DNAAF1: variants seen among roughly 807,000 people sequenced by gnomAD.
DNAAF1 encodes dynein axonemal assembly factor 1.
Under a neutral mutation model 71.1 loss-of-function variants are expected in DNAAF1, and 65 were observed. That is an observed-to-expected ratio of 0.91 (90% CI 0.75 to 1.12). The LOEUF (loss-of-function observed/expected upper bound fraction) is 1.12. Among genes scored for constraint, DNAAF1 ranks in the 50% most tolerant of loss-of-function variants. The pLI, the probability that DNAAF1 is intolerant of heterozygous loss-of-function variation, is 0.00. For synonymous variants in DNAAF1, 414 were observed against 354.6 expected (o/e 1.17, Z -1.88); for missense variants, 1,178 against 899.8 (o/e 1.31, Z -3.96).
chr16:84,172,876 C>T (rs1166923669), intron 9 of DNAAF1: 1 of 1,015,324 alleles, frequency 9.8e-7, no homozygotes, highest in African/African-American at 1.7e-5. Context: ...TGTCCCATCC[C>T]CTTGAGTGAA....
intron 3 of DNAAF1, among the ~76,000 whole-genome samples, chr16:84,153,374 A>C (rs1482361156): frequency 2.6e-5 from 4 of 152,240 alleles, no homozygotes; most frequent in Non-Finnish European, 2.9e-5. Flanking sequence ...CACATCCAGC[A>C]CAGGAACCCA....
intron 6 of DNAAF1, among the ~76,000 whole-genome samples, chr16:84,163,890 T>G (rs1345891663): frequency 1.3e-5 from 2 of 151,998 alleles, no homozygotes; most frequent in Non-Finnish European, 2.9e-5. Flanking sequence ...GACAGCGTTT[T>G]GCTCTGTCAC....
chr16:84,173,829 C>G (rs957936101), intron 9 of DNAAF1: 5 of 152,734 alleles, frequency 3.3e-5, no homozygotes, highest in African/African-American at 1.2e-4. Flanking sequence ...TGCACTCCAG[C>G]CTGGGCAACA....
chr16:84,154,443 G>T lies in DNAAF1; in HGVS notation c.353-134G>T, dbSNP rs962026607. On this transcript the variant is annotated intron_variant, in intron 3 of 11. Coordinates refer to ENST00000378553, the MANE Select transcript of DNAAF1 (RefSeq NM_178452.6). ...CACCTCCTAATACCATCACATTAGG[G>T]GTTAGGATTTCAATGTATGAATTTT... 246 of 788,320 alleles carry T rather than the reference G, an allele frequency of 3.1e-4. 1 individual carries two copies. The highest frequency in any genetic ancestry group is 8.8e-4 in the South Asian group (60 of 68,424). 48.8% of individuals were successfully genotyped at this position (788,320 alleles called of 1,614,324 possible). A position where few individuals can be genotyped will look rare whatever the true frequency, so the allele number is the denominator to read the frequency against.
At chr16:84,156,233 G>C (rs2087421232) in intron 5 of DNAAF1, among the ~76,000 whole-genome samples, 1 of 152,202 alleles carries the variant, frequency 6.6e-6, no homozygotes, top group African/African-American at 2.4e-5. Context: ...AAAGTGCTGG[G>C]ATTACAGGCA....
chr16:84,157,929 C>T (rs111367931), intron 5 of DNAAF1, among the ~76,000 whole-genome samples: 4,953 of 152,114 alleles, frequency 0.033, 268 homozygotes, highest in African/African-American at 0.11. Context: ...TTCTCGTGGC[C>T]AGGCACAGTG....
intron 6 of DNAAF1, among the ~76,000 whole-genome samples, chr16:84,164,713 A>G (rs2087880329): frequency 6.6e-6 from 1 of 152,210 alleles, no homozygotes; most frequent in Admixed American, 6.5e-5. Context: ...TTAGAATAAA[A>G]CTGCTGTAAA....
At chr16:84,158,171 C>T (rs745893391) in intron 5 of DNAAF1, among the ~76,000 whole-genome samples, 1 of 152,112 alleles carries the variant, frequency 6.6e-6, no homozygotes, top group African/African-American at 2.4e-5. Context: ...CGCCACTACA[C>T]TCCAGCCTGG....
rs750277030 is a variant in DNAAF1, at chr16:84,145,667, TAAC to T, written c.124+106_124+108del. On this transcript the variant is annotated intron_variant, in intron 1 of 11. Coordinates refer to ENST00000378553, the MANE Select transcript of DNAAF1 (RefSeq NM_178452.6). ...ATACCCGATCTTCACAGCCAAATAA[TAAC>T]AATAATAATAATGGTAGCAAGCAAC... 9.7e-4 allele frequency: 1,320 copies of T among 1,355,132 alleles called. 4 individuals are homozygous for T. Among genetic ancestry groups the T allele is most frequent in the Non-Finnish European group, 1.2e-3 (1,239 of 1,007,436 alleles). The allele number at this position is 1,355,132 out of a possible 1,614,324, so 83.9% of individuals were successfully genotyped here. A position where few individuals can be genotyped will look rare whatever the true frequency, so the allele number is the denominator to read the frequency against.
chr16:84,171,947 G>A (rs927953557), intron 8 of DNAAF1, among the ~76,000 whole-genome samples: 7 of 149,776 alleles, frequency 4.7e-5, no homozygotes, highest in African/African-American at 1.2e-4. Context: ...GCACAATCTC[G>A]GCTCATTGCA....
intron 7 of DNAAF1, among the ~76,000 whole-genome samples, chr16:84,168,500 A>G (rs1282082561): frequency 6.6e-6 from 1 of 151,734 alleles, no homozygotes; most frequent in East Asian, 1.9e-4. Flanking sequence ...CTGGTCTCGA[A>G]CTCCTGGCCT....
intron 1 of DNAAF1, among the ~76,000 whole-genome samples, chr16:84,148,596 C>CTTTTGTTTTTTTTTTTTTTTTTTTT (rs2087032284): frequency 2.3e-5 from 1 of 43,576 alleles, no homozygotes; most frequent in Non-Finnish European, 4.1e-5. Context: ...CTCTCTCTCT[C>CTTTTGTTTTTTTTTTTTTTTTTTTT]TTTTTTTTTT....
At chr16:84,148,697 C>G (rs181231376) in intron 1 of DNAAF1, among the ~76,000 whole-genome samples, 1 of 147,966 alleles carries the variant, frequency 6.8e-6, no homozygotes, top group Non-Finnish European at 1.5e-5. Context: ...TTCCCAAGCT[C>G]GAGTGATCAA....
intron 1 of DNAAF1, among the ~76,000 whole-genome samples, chr16:84,145,925 G>C (rs1215228735): frequency 6.6e-6 from 1 of 151,990 alleles, no homozygotes; most frequent in Non-Finnish European, 1.5e-5. Flanking sequence ...GTGAAACCCT[G>C]TCTCTACTAA....
At chr16:84,147,478 C>G (rs911411126) in intron 1 of DNAAF1, among the ~76,000 whole-genome samples, 12 of 151,942 alleles carry the variant, frequency 7.9e-5, no homozygotes, top group African/African-American at 2.9e-4. Context: ...TAGATATTCT[C>G]ACTATTTTTG....
chr16:84,165,906 G>T lies in DNAAF1; in HGVS notation c.987G>T (p.Gln329His). The T allele has an allele frequency of 6.2e-7, 1 of 1,613,642 alleles. No individual in the cohort carries two copies. The highest frequency in any genetic ancestry group is 1.1e-5 in the South Asian group (1 of 91,060). Residue 329 changes from glutamine to histidine, a missense_variant, in exon 7 of 12, where the codon CAG becomes CAT. Coordinates refer to ENST00000378553, the MANE Select transcript of DNAAF1 (RefSeq NM_178452.6). ...DSIEALAMIK[Q>H]RAEERKRQRE... ...TTGAAGCCTTGGCCATGATCAAGCAGCGGGCAGAGGAGAGGAAAAGACAGA... is the reference window on the plus strand; with the variant it reads ...TTGAAGCCTTGGCCATGATCAAGCATCGGGCAGAGGAGAGGAAAAGACAGA...
rs369581422 is a variant in DNAAF1 at position 84,145,422 on chromosome 16, C to G, written c.-19C>G. ...GGGCCCCCCAAAGCTGCGGGGCGTT[C>G]GGTGTCGCCGAAGTAAACATGCACC... On this transcript the variant is annotated 5_prime_UTR_variant, in exon 1 of 12. Coordinates refer to ENST00000378553, the MANE Select transcript of DNAAF1 (RefSeq NM_178452.6). The G allele has an allele frequency of 6.3e-7, 1 of 1,575,436 alleles. No homozygotes were observed. Among genetic ancestry groups the G allele is most frequent in the Non-Finnish European group, 8.6e-7 (1 of 1,160,936 alleles).
chr16:84,160,940 A>AG (rs2087679402), intron 6 of DNAAF1, among the ~76,000 whole-genome samples: 1 of 151,298 alleles, frequency 6.6e-6, no homozygotes, highest in Non-Finnish European at 1.5e-5. Flanking sequence ...CCGTCTCAAA[A>AG]AAAAAAAAAA....
At chr16:84,172,673 T>G in intron 9 of DNAAF1, 1 of 1,248,224 alleles carries the variant, frequency 8.0e-7, no homozygotes, top group South Asian at 1.6e-5. Context: ...CTTGATTCCT[T>G]TTTGCCAAAG....
Sources: allele counts gnomAD v4.1 joint callset (sites outside exome capture counted in the v4.1 genomes callset), GRCh38; gene constraint gnomAD v4.1.1; transcripts MANE v1.5; gene names NCBI Gene and HGNC (gene_info 2026-07-23, HGNC 2026-07-21).